The following KDM4C variants were observed in gnomAD, a reference collection of about 807,000 sequenced individuals.
KDM4C encodes lysine-specific demethylase 4C.
Under a neutral mutation model 129.3 loss-of-function variants are expected in KDM4C, and 81 were observed. The observed-to-expected ratio is 0.63, with a 90% confidence interval of 0.52 to 0.75. The LOEUF is 0.75. Among genes scored for constraint, KDM4C ranks in the 30% least tolerant of loss-of-function variants. KDM4C has a pLI of 0.00. For missense variants in KDM4C, 1,457 were observed against 1,304.0 expected (o/e 1.12, Z -1.81); for synonymous variants, 573 against 456.1 (o/e 1.26, Z -3.26).
intron 8 of KDM4C, among the ~76,000 whole-genome samples, chr9:6,899,457 A>G (rs1452328035): frequency 1.3e-5 from 2 of 152,048 alleles, no homozygotes; most frequent in Non-Finnish European, 2.9e-5. Context: ...GGTTTGAACA[A>G]ATATACAATG....
intron 4 of KDM4C, among the ~76,000 whole-genome samples, chr9:6,849,165 A>G (rs1436627849): frequency 6.6e-6 from 1 of 152,196 alleles, no homozygotes; most frequent in African/African-American, 2.4e-5. Flanking sequence ...AAGGAGGGAG[A>G]GCACATGCCG....
intron 10 of KDM4C, among the ~76,000 whole-genome samples, chr9:6,985,995 A>G (rs1769336567): frequency 6.6e-6 from 1 of 152,220 alleles, no homozygotes; most frequent in Non-Finnish European, 1.5e-5. Context: ...CCGGCTCCTC[A>G]TCATGCTTTC....
At chr9:6,739,675 G>C (rs1003489886) in intron 1 of KDM4C, among the ~76,000 whole-genome samples, 1 of 149,420 alleles carries the variant, frequency 6.7e-6, no homozygotes, top group Non-Finnish European at 1.5e-5. Flanking sequence ...TTGATCAGCA[G>C]GATATGGTAG....
intron 4 of KDM4C, among the ~76,000 whole-genome samples, chr9:6,838,790 T>C (rs1836359633): frequency 6.6e-6 from 1 of 152,242 alleles, no homozygotes; most frequent in Non-Finnish European, 1.5e-5. Flanking sequence ...AAAGCTATCA[T>C]GTCAAACATT....
intron 15 of KDM4C, among the ~76,000 whole-genome samples, chr9:7,037,800 C>T (rs1386040783): frequency 6.6e-6 from 1 of 151,956 alleles, no homozygotes; most frequent in African/African-American, 2.4e-5. Context: ...TAACAGCTGC[C>T]TTATAGAGTA....
intron 17 of KDM4C, among the ~76,000 whole-genome samples, chr9:7,097,945 A>T (rs560696422): frequency 6.6e-6 from 1 of 152,220 alleles, no homozygotes; most frequent in Non-Finnish European, 1.5e-5. Context: ...ATGGCTGTTT[A>T]TGTGTTCAGT....
chr9:6,910,699 C>T (rs547854900), intron 8 of KDM4C, among the ~76,000 whole-genome samples: 1 of 152,280 alleles, frequency 6.6e-6, no homozygotes, highest in South Asian at 2.1e-4. Context: ...TGTGACCCTG[C>T]ATCCACACCT....
intron 15 of KDM4C, among the ~76,000 whole-genome samples, chr9:7,031,808 C>G (rs1169530728): frequency 1.3e-5 from 2 of 152,074 alleles, no homozygotes; most frequent in East Asian, 1.9e-4. Context: ...GTCTTCTGAA[C>G]CAAAGTGAAG....
chr9:7,068,686 CTTTTTT>C (rs542039227), intron 17 of KDM4C, among the ~76,000 whole-genome samples: 15 of 101,764 alleles, frequency 1.5e-4, no homozygotes, highest in African/African-American at 4.2e-4. Context: ...GATGCCCTTT[CTTTTTT>C]TTTTTTTTTT....
At chr9:6,828,840 C>T (rs1834328220) in intron 4 of KDM4C, among the ~76,000 whole-genome samples, 1 of 151,836 alleles carries the variant, frequency 6.6e-6, no homozygotes, top group South Asian at 2.1e-4. Flanking sequence ...CATTGCACTC[C>T]AGCCTGGGCA....
chr9:6,745,598 A>AT (rs755686662), intron 1 of KDM4C, among the ~76,000 whole-genome samples: 21 of 145,442 alleles, frequency 1.4e-4, no homozygotes, highest in African/African-American at 4.6e-4. Flanking sequence ...AAAAAAAAAA[A>AT]TGCCATACTA....
chr9:6,890,345 T>C (rs1388485921), intron 7 of KDM4C, among the ~76,000 whole-genome samples: 3 of 152,246 alleles, frequency 2.0e-5, no homozygotes, highest in Non-Finnish European at 4.4e-5. Context: ...GACAGAGTTT[T>C]GAATAGTATA....
At chr9:6,858,677 G>A (rs968623732) in intron 5 of KDM4C, among the ~76,000 whole-genome samples, 5 of 151,930 alleles carry the variant, frequency 3.3e-5, no homozygotes, top group South Asian at 2.1e-4. Context: ...AGAGGCTGTA[G>A]CATGAGAATC....
chr9:7,102,438 G>A (rs1017550833), intron 17 of KDM4C, among the ~76,000 whole-genome samples: 2 of 148,444 alleles, frequency 1.3e-5, no homozygotes, highest in African/African-American at 5.0e-5. Context: ...GGGCAGCTTT[G>A]GGGAAGACAA....
chr9:6,808,707 A>T (rs1485753536), intron 3 of KDM4C, among the ~76,000 whole-genome samples: 2 of 151,400 alleles, frequency 1.3e-5, no homozygotes, highest in Non-Finnish European at 2.9e-5. Flanking sequence ...AAAAAAAAAA[A>T]AAAGAAGTGG....
At chr9:6,909,877 A>C (rs1171972755) in intron 8 of KDM4C, among the ~76,000 whole-genome samples, 1 of 152,190 alleles carries the variant, frequency 6.6e-6, no homozygotes. Flanking sequence ...AAGACTTTTG[A>C]AGCGGCACAT....
At chr9:7,019,583 G>A (rs1724612034) in intron 15 of KDM4C, among the ~76,000 whole-genome samples, 1 of 151,014 alleles carries the variant, frequency 6.6e-6, no homozygotes, top group Non-Finnish European at 1.5e-5. Context: ...TCCTTTCATG[G>A]TAAGTGCTTT....
At chr9:6,858,742 A>C (rs1283467249) in intron 5 of KDM4C, among the ~76,000 whole-genome samples, 2 of 151,710 alleles carry the variant, frequency 1.3e-5, no homozygotes, top group East Asian at 3.9e-4. Context: ...ACTGCACTCC[A>C]GCCTGGGTGA....
chr9:7,111,522 T>C (rs1838318018), intron 18 of KDM4C, among the ~76,000 whole-genome samples: 1 of 152,168 alleles, frequency 6.6e-6, no homozygotes, highest in East Asian at 1.9e-4. Context: ...TTTATATAAC[T>C]TGCTGTAAGT....
Sources: allele counts gnomAD v4.1 joint callset (sites outside exome capture counted in the v4.1 genomes callset), GRCh38; gene constraint gnomAD v4.1.1; transcripts MANE v1.5; gene names NCBI Gene and HGNC (gene_info 2026-07-23, HGNC 2026-07-21).